USP24: variants seen among roughly 807,000 people sequenced by gnomAD.
USP24 encodes the protein ubiquitin carboxyl-terminal hydrolase 24.
A neutral mutation model predicts 361.6 loss-of-function variants in USP24; 97 were observed. The observed-to-expected ratio is 0.27, with a 90% CI of 0.23 to 0.32. USP24 has a LOEUF of 0.32. Among genes scored for constraint, USP24 ranks in the 10% least tolerant of loss-of-function variants. The pLI is 1.00. For missense variants in USP24, 2,353 were observed against 3,165.6 expected (o/e 0.74, Z 6.16); for synonymous variants, 1,098 against 1,124.6 (o/e 0.98, Z 0.47).
chr1:55,095,826 T>A (rs940173498), intron 50 of USP24, among the ~76,000 whole-genome samples: 8 of 152,208 alleles, frequency 5.3e-5, no homozygotes, highest in Non-Finnish European at 1.2e-4. Context: ...TATCCAACTC[T>A]TAAAGGTTAC....
chr1:55,153,596 A>G (rs977052983), intron 16 of USP24, among the ~76,000 whole-genome samples: 1 of 152,182 alleles, frequency 6.6e-6, no homozygotes, highest in African/African-American at 2.4e-5. Flanking sequence ...TTAATTTTAA[A>G]AAGAAAAACT....
At chr1:55,171,496 C>A in intron 5 of USP24, 60 bp downstream of exon 5, 1 of 1,529,456 alleles carries the variant, frequency 6.5e-7, no homozygotes, top group East Asian at 2.4e-5. Context: ...TTTTATAGCA[C>A]AGAAAATCTT....
chr1:55,208,388 G>A (rs1644763868), intron 1 of USP24, among the ~76,000 whole-genome samples: 1 of 152,220 alleles, frequency 6.6e-6, no homozygotes, highest in Admixed American at 6.5e-5. Flanking sequence ...AGCACTTTGG[G>A]AGGCTGAGGT....
chr1:55,149,078 T>C (rs1647119860), intron 16 of USP24, among the ~76,000 whole-genome samples: 1 of 152,200 alleles, frequency 6.6e-6, no homozygotes, highest in Non-Finnish European at 1.5e-5. Context: ...TATTTCCTAG[T>C]TAAAACACTT....
chr1:55,159,858 C>T (rs1212461205), intron 8 of USP24, among the ~76,000 whole-genome samples, 173 bp from the exon 9 acceptor site: 1 of 152,196 alleles, frequency 6.6e-6, no homozygotes, highest in Non-Finnish European at 1.5e-5. Flanking sequence ...TTAACTGACT[C>T]TGCTTAATCT....
chr1:55,208,526 G>A (rs2100947701), intron 1 of USP24, among the ~76,000 whole-genome samples: 1 of 152,174 alleles, frequency 6.6e-6, no homozygotes, highest in African/African-American at 2.4e-5. Context: ...CTACTTAGGA[G>A]GTTGAGGCAG....
At chr1:55,147,512 A>G (rs768945383) in intron 18 of USP24, 137 bp downstream of exon 18, 15 of 905,838 alleles carry the variant, frequency 1.7e-5, no homozygotes, top group East Asian at 3.2e-5. Flanking sequence ...CCAAGATACA[A>G]AACTGTTCCC....
chr1:55,079,801 C>CTCACAGAGTACTCACACAGAGTACTA, intron 59 of USP24, 142 bp from the exon 60 acceptor site: 1 of 1,146,350 alleles, frequency 8.7e-7, no homozygotes. Context: ...ACTGAGTACT[C>CTCACAGAGTACTCACACAGAGTACTA]ACACACTGAG....
chr1:55,156,904 C>A lies in USP24; in HGVS notation c.1446+44G>T, dbSNP rs766332702. Reference sequence around the variant, plus strand: ...ATCACCCTTTTCGCTCTCCTGTAGTCCAAAAACATTAGCCAAAGGCAAAAA... The same window carrying A: ...ATCACCCTTTTCGCTCTCCTGTAGTACAAAAACATTAGCCAAAGGCAAAAA... On this transcript the variant is annotated intron_variant, in intron 12 of 67. Transcript: ENST00000294383. The A allele has an allele frequency of 1.1e-5, 16 of 1,444,418 alleles. No homozygotes were observed. The Admixed American group carries it at 1.2e-4, about 11-fold the overall frequency. The allele number at this position is 1,444,418 out of a possible 1,614,324, so 89.5% of individuals were successfully genotyped here.
At chr1:55,171,729 C>A in intron 4 of USP24, 51 bp from the exon 5 acceptor site, 1 of 1,540,136 alleles carries the variant, frequency 6.5e-7, no homozygotes, top group African/African-American at 1.4e-5. Flanking sequence ...TATAGCAACA[C>A]ATATTAGCAT....
chr1:55,069,356 T>C (rs943624163), intron 67 of USP24, among the ~76,000 whole-genome samples: 10 of 152,262 alleles, frequency 6.6e-5, no homozygotes, highest in African/African-American at 2.4e-4. Flanking sequence ...ACAATGCTAC[T>C]CTGCACCCAT....
chr1:55,081,281 C>A, intron 59 of USP24, 41 bp downstream of exon 59: 1 of 1,582,538 alleles, frequency 6.3e-7, no homozygotes, highest in South Asian at 1.1e-5. Context: ...CCAAGCTAGA[C>A]AAATTCAGTA....
chr1:55,147,907 C>G, intron 17 of USP24, 109 bp from the exon 18 acceptor site: 1 of 1,153,084 alleles, frequency 8.7e-7, no homozygotes, highest in Non-Finnish European at 1.2e-6. Context: ...ACAAAGCAAA[C>G]ATAAGAATTT....
At chr1:55,201,515 C>T (rs1160305991) in intron 1 of USP24, among the ~76,000 whole-genome samples, 9 of 141,610 alleles carry the variant, frequency 6.4e-5, no homozygotes, top group African/African-American at 2.1e-4. Flanking sequence ...GCAGGGGAAT[C>T]GCCTGAACCC....
chr1:55,123,290 G>C (rs759827554), intron 36 of USP24, among the ~76,000 whole-genome samples, 157 bp downstream of exon 36: 1 of 152,188 alleles, frequency 6.6e-6, no homozygotes, highest in Non-Finnish European at 1.5e-5. Context: ...TTCAGAATGA[G>C]CTATTTTAGC....
intron 62 of USP24, among the ~76,000 whole-genome samples, chr1:55,075,808 T>C (rs1645020296): frequency 6.6e-6 from 1 of 151,454 alleles, no homozygotes; most frequent in South Asian, 2.1e-4. Context: ...CTCTAAAAAA[T>C]AAAAAAAGAA....
At chr1:55,193,729 T>A (rs1644347473) in intron 1 of USP24, among the ~76,000 whole-genome samples, 1 of 152,140 alleles carries the variant, frequency 6.6e-6, no homozygotes, top group Admixed American at 6.5e-5. Flanking sequence ...CTAGTAACTA[T>A]GGAAAAGTGT....
intron 5 of USP24, among the ~76,000 whole-genome samples, chr1:55,171,095 A>G (rs2100799355): frequency 6.6e-6 from 1 of 152,322 alleles, no homozygotes; most frequent in Admixed American, 6.5e-5. Context: ...TTATTGGCAG[A>G]CTGTAGTCTT....
rs778990932 is a variant in USP24 at position 55,138,597 on chromosome 1, T to C, written c.2928+11A>G. 6 of 1,588,024 alleles carry C rather than the reference T, an allele frequency of 3.8e-6. No individual in the cohort carries two copies. Among genetic ancestry groups the C allele is most frequent in the African/African-American group, 2.7e-5 (2 of 74,226 alleles). ...ACATGAAAATGGCTGTAGTTCTTAATGTAAACCTACCTCGACAGTGAAGGT... is the reference window on the plus strand; with the variant it reads ...ACATGAAAATGGCTGTAGTTCTTAACGTAAACCTACCTCGACAGTGAAGGT... On this transcript the variant is annotated intron_variant, in intron 26 of 67. Transcript: ENST00000294383.
Sources: allele counts gnomAD v4.1 joint callset (sites outside exome capture counted in the v4.1 genomes callset), GRCh38; gene constraint gnomAD v4.1.1; transcripts MANE v1.5; gene names NCBI Gene and HGNC (gene_info 2026-07-23, HGNC 2026-07-21).